Variants in TRAPPC9 observed in about 807,000 individuals in gnomAD.
TRAPPC9 encodes the protein trafficking protein particle complex subunit 9.
Under a neutral mutation model 124.0 loss-of-function variants are expected in TRAPPC9, and 83 were observed. The observed-to-expected ratio is 0.67, with a 90% CI of 0.56 to 0.80. The LOEUF is 0.80. Among genes scored for constraint, TRAPPC9 ranks in the 30% least tolerant of loss-of-function variants. The probability of loss-of-function intolerance (pLI) is 0.00; values close to 1 mark genes in which losing one functional copy is unlikely to be tolerated. For missense variants in TRAPPC9, 1,302 were observed against 1,508.3 expected (o/e 0.86, Z 2.27); for synonymous variants, 638 against 617.5 (o/e 1.03, Z -0.49).
rs780906963 is a variant in TRAPPC9 at position 140,283,900 on chromosome 8, G to C, written c.2103C>G (p.Thr701=). 5.6e-6 allele frequency: 9 copies of C among 1,614,098 alleles called. No homozygotes were observed. The South Asian group carries it at 9.9e-5, about 18-fold the overall frequency. ...CTCGTGCACACTACCTGGGCAGAGAGGTGCTGATCTGCAGTCTTGGCAACG... is the reference window on the plus strand; with the variant it reads ...CTCGTGCACACTACCTGGGCAGAGACGTGCTGATCTGCAGTCTTGGCAACG... The part of the protein sequence containing the change: ...IPALPRLQIS[T]SLPRSAHSLQ... Residue 701 remains threonine, a synonymous_variant, in exon 14 of 23, where the codon ACC becomes ACG. Coordinates refer to ENST00000438773, the MANE Select transcript of TRAPPC9 (RefSeq NM_001160372.4).
intron 21 of TRAPPC9, among the ~76,000 whole-genome samples, chr8:139,823,770 A>G (rs1825428703): frequency 6.6e-6 from 1 of 152,240 alleles, no homozygotes; most frequent in Non-Finnish European, 1.5e-5. Flanking sequence ...TGGGGCCTGC[A>G]GAGGCAACTG....
intron 2 of TRAPPC9, among the ~76,000 whole-genome samples, chr8:140,443,153 A>AAAAAAAC (rs1402234516): frequency 8.0e-6 from 1 of 125,722 alleles, no homozygotes; most frequent in Non-Finnish European, 1.6e-5. Flanking sequence ...AAAAAAAAAA[A>AAAAAAAC]AGCCAGGCGC....
intron 17 of TRAPPC9, among the ~76,000 whole-genome samples, chr8:140,166,925 T>C (rs553387995): frequency 2.6e-5 from 4 of 152,222 alleles, no homozygotes; most frequent in Admixed American, 6.5e-5. Flanking sequence ...CACTCAACAG[T>C]TGGGGAGAGA....
At chr8:140,080,066 T>C (rs1485082340) in intron 17 of TRAPPC9, among the ~76,000 whole-genome samples, 1 of 152,244 alleles carries the variant, frequency 6.6e-6, no homozygotes, top group Non-Finnish European at 1.5e-5. Flanking sequence ...AAATGACACC[T>C]TGGAATTAAC....
rs543772444 is a variant in TRAPPC9 at position 140,301,867 on chromosome 8, T to C, written c.1623-1253A>G. Among the ~76,000 whole-genome samples the C allele has an allele frequency of 3.3e-5, 5 of 152,118 alleles. No individual in the cohort carries two copies. The South Asian group carries it at 6.2e-4, about 19-fold the overall frequency. ...TCCTGGAGGCTGGACATTGAGAAGG[T>C]GGAGCACCAGACAGATGCGGCCTGG... On this transcript the variant is annotated intron_variant, in intron 10 of 22. Transcript: ENST00000438773.
intron 7 of TRAPPC9, among the ~76,000 whole-genome samples, chr8:140,392,906 G>T (rs114085811): frequency 9.5e-4 from 145 of 152,308 alleles, no homozygotes; most frequent in African/African-American, 3.4e-3. Context: ...TGAGCCGTGA[G>T]GCAGACATGT....
At chr8:140,081,612 C>A (rs1843825171) in intron 17 of TRAPPC9, among the ~76,000 whole-genome samples, 1 of 152,220 alleles carries the variant, frequency 6.6e-6, no homozygotes, top group South Asian at 2.1e-4. Flanking sequence ...TCCCAAAGTG[C>A]TGGGATGACA....
At position 140,253,230 on chromosome 8, in the gene TRAPPC9, C is replaced by T. The variant is rs11166966; in HGVS notation, c.2279-301G>A. Among the ~76,000 whole-genome samples the T allele has an allele frequency of 0.22, 33,701 of 151,962 alleles. 4,079 individuals carry two copies. The highest frequency in any genetic ancestry group is 0.31 in the African/African-American group (12,938 of 41,416). ...TCCTTCTCATTGACCAAATAAATGCCGTTTTGCTCTTATAAACTAAATCAG... is the reference window on the plus strand; with the variant it reads ...TCCTTCTCATTGACCAAATAAATGCTGTTTTGCTCTTATAAACTAAATCAG... On this transcript the variant is annotated intron_variant, in intron 15 of 22. Transcript: ENST00000438773.
At chr8:140,091,041 G>C (rs1844536365) in intron 17 of TRAPPC9, among the ~76,000 whole-genome samples, 1 of 152,206 alleles carries the variant, frequency 6.6e-6, no homozygotes, top group Admixed American at 6.5e-5. Context: ...TGCAGAGAGA[G>C]AGACAACAAA....
intron 17 of TRAPPC9, among the ~76,000 whole-genome samples, chr8:140,209,465 G>T (rs1171044490): frequency 2.0e-5 from 3 of 152,202 alleles, no homozygotes; most frequent in Non-Finnish European, 4.4e-5. Context: ...ATCTGTGTTA[G>T]AATTCCACAT....
intron 21 of TRAPPC9, among the ~76,000 whole-genome samples, chr8:139,814,088 T>A (rs1487746272): frequency 6.6e-6 from 1 of 152,168 alleles, no homozygotes; most frequent in Non-Finnish European, 1.5e-5. Flanking sequence ...AGCTCCCGCC[T>A]CTGAGCTCGA....
At chr8:140,264,611 G>GGAGAGA (rs142320121) in intron 15 of TRAPPC9, among the ~76,000 whole-genome samples, 25 of 133,568 alleles carry the variant, frequency 1.9e-4, no homozygotes, top group African/African-American at 7.2e-4. Context: ...GAGGGGGAAG[G>GGAGAGA]GAGAGAGAGA....
chr8:140,010,926 G>C (rs528989813), intron 18 of TRAPPC9, among the ~76,000 whole-genome samples: 2 of 152,328 alleles, frequency 1.3e-5, no homozygotes, highest in Admixed American at 6.5e-5. Context: ...CTATCGGACA[G>C]AAGGGCACAT....
intron 19 of TRAPPC9, among the ~76,000 whole-genome samples, chr8:139,969,414 T>C (rs1835917699): frequency 6.6e-6 from 1 of 152,216 alleles, no homozygotes; most frequent in Admixed American, 6.5e-5. Flanking sequence ...GTGATTCATA[T>C]TTGGAATGGC....
chr8:139,852,512 T>C (rs1184502777), intron 21 of TRAPPC9, among the ~76,000 whole-genome samples: 1 of 152,206 alleles, frequency 6.6e-6, no homozygotes, highest in Admixed American at 6.5e-5. Context: ...CTGCCACTGA[T>C]GAACTTCCTT....
At chr8:140,053,285 A>G (rs1842106344) in intron 17 of TRAPPC9, among the ~76,000 whole-genome samples, 2 of 152,238 alleles carry the variant, frequency 1.3e-5, no homozygotes, top group Admixed American at 6.5e-5. Context: ...GACCACTGTG[A>G]CCAAAGCTAC....
chr8:139,986,051 T>C (rs1837221832), intron 19 of TRAPPC9, among the ~76,000 whole-genome samples: 1 of 152,156 alleles, frequency 6.6e-6, no homozygotes, highest in Non-Finnish European at 1.5e-5. Flanking sequence ...AAGACCAGCC[T>C]GACCAACATG....
At chr8:140,019,515 T>C (rs912669738) in intron 18 of TRAPPC9, among the ~76,000 whole-genome samples, 1 of 150,882 alleles carries the variant, frequency 6.6e-6, no homozygotes, top group African/African-American at 2.4e-5. Context: ...TATTTCTTTT[T>C]CCTGTGTCAA....
intron 1 of TRAPPC9, among the ~76,000 whole-genome samples, chr8:140,453,598 A>G (rs772139066): frequency 1.9e-4 from 28 of 146,344 alleles, no homozygotes; most frequent in Admixed American, 1.3e-3. Flanking sequence ...TAAAAAAAGG[A>G]AACCCTAGCC....
Sources: allele counts gnomAD v4.1 joint callset (sites outside exome capture counted in the v4.1 genomes callset), GRCh38; gene constraint gnomAD v4.1.1; transcripts MANE v1.5; gene names NCBI Gene and HGNC (gene_info 2026-07-23, HGNC 2026-07-21).